SPTB: variants seen among roughly 807,000 people sequenced by gnomAD.
SPTB encodes the protein spectrin beta chain, erythrocytic.
Under a neutral mutation model 256.2 loss-of-function variants are expected in SPTB, and 45 were observed. That is an observed-to-expected ratio of 0.18 (90% CI 0.14 to 0.23). The LOEUF (loss-of-function observed/expected upper bound fraction) is 0.23. Ranked by LOEUF, SPTB falls within the 10% of genes least tolerant of loss-of-function variation. The pLI, the probability that SPTB is intolerant of heterozygous loss-of-function variation, is 1.00. For synonymous variants in SPTB, 1,231 were observed against 1,243.1 expected (o/e 0.99, Z 0.21); for missense variants, 2,715 against 3,040.4 (o/e 0.89, Z 2.52).
At chr14:64,774,578 T>TC (rs1290782402) in intron 23 of SPTB, 51 bp from the exon 24 acceptor site, 2 of 1,550,546 alleles carry the variant, frequency 1.3e-6, no homozygotes. Context: ...CCATGATCCC[T>TC]CCCTTGGCAA....
rs1169641132 is a variant in SPTB at position 64,775,949 on chromosome 14, C to T, written c.4564-546G>A. On this transcript the variant is annotated intron_variant, in intron 22 of 35. Transcript: ENST00000644917. This position sits in a 1 kb window ranked among gnomAD's most constrained non-coding sequence, Gnocchi z 5.0. Reference sequence around the variant, plus strand: ...TTACAGTCTCAGCTTTTGTTTTTCCCTACTTCTATTTCTCATATTTTTGTG... The same window carrying T: ...TTACAGTCTCAGCTTTTGTTTTTCCTTACTTCTATTTCTCATATTTTTGTG... Among the ~76,000 whole-genome samples the T allele has an allele frequency of 6.6e-6, 1 of 152,136 alleles. No individual in the cohort carries two copies. Among genetic ancestry groups the T allele is most frequent in the East Asian group, 1.9e-4 (1 of 5,194 alleles).
rs949441285 is a variant in SPTB at position 64,769,124 on chromosome 14, G to A, written c.5938-6C>T. ...TGCTGCAGTTTCTCGCGGATCTATGGGGAGGAAAGGGAGAAAAGCTCAGGC... is the reference window on the plus strand; with the variant it reads ...TGCTGCAGTTTCTCGCGGATCTATGAGGAGGAAAGGGAGAAAAGCTCAGGC... On this transcript the variant is annotated splice_polypyrimidine_tract_variant and splice_region_variant and intron_variant, in intron 28 of 35. Transcript: ENST00000644917. 6.2e-7 allele frequency: 1 copy of A among 1,613,050 alleles called. No homozygotes were observed. Among genetic ancestry groups the A allele is most frequent in the Non-Finnish European group, 8.5e-7 (1 of 1,179,644 alleles).
At position 64,802,718 on chromosome 14, in the gene SPTB, C is replaced by T. The variant is rs773282599; in HGVS notation, c.475-401G>A. On this transcript the variant is annotated intron_variant, in intron 4 of 35. Transcript: ENST00000644917. The surrounding 1 kb of genome is among the most constrained non-coding windows in gnomAD (Gnocchi z 5.1). ...AAATTTCTTGCCCTCAAGGAGTAGC[C>T]GCCAGCCCCGCAGCAACACCACATC... Among the ~76,000 whole-genome samples, 3 of 152,152 alleles carry T rather than the reference C, an allele frequency of 2.0e-5. No individual in the cohort carries two copies. The highest frequency in any genetic ancestry group is 4.8e-5 in the African/African-American group (2 of 41,430).
chr14:64,750,415 A>G (rs1356401224), intron 33 of SPTB, among the ~76,000 whole-genome samples: 3 of 151,966 alleles, frequency 2.0e-5, no homozygotes, highest in African/African-American at 7.3e-5. Context: ...GGTTATGGAT[A>G]TATTCAATTT....
In SPTB at chr14:64,770,892, T is replaced by A; in HGVS notation, c.5791A>T (p.Arg1931Trp). 1.9e-6 allele frequency: 3 copies of A among 1,613,988 alleles called. No individual in the cohort carries two copies. Among genetic ancestry groups the A allele is most frequent in the Non-Finnish European group, 2.5e-6 (3 of 1,180,000 alleles). The part of the protein sequence containing the change: ...SIIRQIETQE[R>W]PRDVSSVELL... ...CAAGGACACTCCCCTCACCTGGGCC[T>A]CTCCTGGGTCTCGATCTGCCGGATG... Residue 1931 changes from arginine to tryptophan, a missense_variant, in exon 27 of 36, where the codon AGG becomes TGG. Arg to Trp is a moderately radical substitution (Grantham distance 101). Coordinates refer to ENST00000644917, the MANE Select transcript of SPTB (RefSeq NM_001355436.2).
intron 26 of SPTB, 75 bp from the exon 27 acceptor site, chr14:64,771,204 C>T: frequency 6.2e-7 from 1 of 1,601,422 alleles, no homozygotes; most frequent in Non-Finnish European, 8.5e-7. Context: ...ACTGGAAGGG[C>T]AGCTACCTCC....
rs538209627 is a variant in SPTB, at chr14:64,785,446, G to C, written c.3855+91C>G. The C allele has an allele frequency of 8.4e-7, 1 of 1,193,252 alleles. No individual in the cohort carries two copies. Among genetic ancestry groups the C allele is most frequent in the Admixed American group, 2.0e-5 (1 of 50,598 alleles). The allele number at this position is 1,193,252 out of a possible 1,614,324, so 73.9% of individuals were successfully genotyped here. Reference sequence around the variant, plus strand: ...ATGGAATCCCACAGCTCTTGAGCTAGAAAGGATCCCTGTGGACTTCCTGCC... The same window carrying C: ...ATGGAATCCCACAGCTCTTGAGCTACAAAGGATCCCTGTGGACTTCCTGCC... On this transcript the variant is annotated intron_variant, in intron 18 of 35. Coordinates refer to ENST00000644917, the MANE Select transcript of SPTB (RefSeq NM_001355436.2). The surrounding 1 kb of genome is among the most constrained non-coding windows in gnomAD (Gnocchi z 4.4).
intron 33 of SPTB, chr14:64,752,195 G>A (rs540453485): frequency 9.7e-6 from 13 of 1,346,920 alleles, no homozygotes; most frequent in East Asian, 4.6e-5. Flanking sequence ...GGGCTAGCCC[G>A]AGCCGCTTCA....
rs1381334699 is a variant in SPTB at position 64,873,768 on chromosome 14, AGGCAACT to A, written c.-52+6017_-52+6023del. Among the ~76,000 whole-genome samples, 3 of 152,230 alleles carry A rather than the reference AGGCAACT, an allele frequency of 2.0e-5. No individual in the cohort carries two copies. The highest frequency in any genetic ancestry group is 7.2e-5 in the African/African-American group (3 of 41,464). ...TGGAAACAGCCCCAGCCTCAGAACT[AGGCAACT>A]GGGTCAAAGTCAGGTTTTGGAATAA... is the stretch of plus-strand genomic sequence containing the variant. On this transcript the variant is annotated intron_variant, in intron 1 of 35. Transcript: ENST00000644917. The surrounding 1 kb of genome is among the most constrained non-coding windows in gnomAD (Gnocchi z 4.3).
At chr14:64,791,490 C>G (rs985524054) in intron 15 of SPTB, among the ~76,000 whole-genome samples, 1 of 145,966 alleles carries the variant, frequency 6.9e-6, no homozygotes, top group East Asian at 2.0e-4. Flanking sequence ...AGCTTGAACC[C>G]AGGAGGTGGA....
In SPTB at chr14:64,844,222, G is replaced by A. The variant is rs890415385; in HGVS notation, c.-51-21077C>T. On this transcript the variant is annotated intron_variant, in intron 1 of 35. Coordinates refer to ENST00000644917, the MANE Select transcript of SPTB (RefSeq NM_001355436.2). This position sits in a 1 kb window ranked among gnomAD's most constrained non-coding sequence, Gnocchi z 4.1. ...AAAAAAATGAGAGCTAGAAAGCCCA[G>A]CCTGTCTTTATTATTATAGTTACCC... is the stretch of plus-strand genomic sequence containing the variant. Among the ~76,000 whole-genome samples the A allele has an allele frequency of 6.6e-6, 1 of 152,142 alleles. No homozygotes were observed. Among genetic ancestry groups the A allele is most frequent in the Non-Finnish European group, 1.5e-5 (1 of 68,026 alleles).
At chr14:64,811,038 C>T (rs2083078872) in intron 2 of SPTB, among the ~76,000 whole-genome samples, 1 of 151,820 alleles carries the variant, frequency 6.6e-6, no homozygotes, top group Non-Finnish European at 1.5e-5. Flanking sequence ...ATCACTTGAG[C>T]TCAGTTTGAG....
rs1253675447 is a variant in SPTB at position 64,841,289 on chromosome 14, C to G, written c.-51-18144G>C. Among the ~76,000 whole-genome samples, 2 of 152,186 alleles carry G rather than the reference C, an allele frequency of 1.3e-5. No homozygotes were observed. Among genetic ancestry groups the G allele is most frequent in the African/African-American group, 4.8e-5 (2 of 41,442 alleles). On this transcript the variant is annotated intron_variant, in intron 1 of 35. Coordinates refer to ENST00000644917, the MANE Select transcript of SPTB (RefSeq NM_001355436.2). The surrounding 1 kb of genome is among the most constrained non-coding windows in gnomAD (Gnocchi z 4.6). ...CAAACGCAGGCAGTCTGAGTCAGAG[C>G]CCCTGCCCTTACCTCCTGTGATCAC...
In SPTB at chr14:64,822,943, G is replaced by A; in HGVS notation, c.148+4C>T. 1 of 1,613,198 alleles carries A rather than the reference G, an allele frequency of 6.2e-7. No individual in the cohort carries two copies. Among genetic ancestry groups the A allele is most frequent in the Non-Finnish European group, 8.5e-7 (1 of 1,180,032 alleles). On this transcript the variant is annotated splice_donor_region_variant and intron_variant, in intron 2 of 35. Transcript: ENST00000644917. ...CCTCCAACCCTTGTGGCCCCAAACA[G>A]TACCTGCCAAGGCCTTTATCCGGGA...
chr14:64,775,127 T>G lies in SPTB; in HGVS notation c.4840A>C (p.Lys1614Gln). ...TGGTATCCCCTGCCCGAACAGACCTTGGGGATCTCATCGGAGATGACGTAG... is the reference window on the plus strand; with the variant it reads ...TGGTATCCCCTGCCCGAACAGACCTGGGGGATCTCATCGGAGATGACGTAG... ...ELYVISDEIP[K>Q]DEEGAIVMLK... Residue 1614 changes from lysine to glutamine, a missense_variant and splice_region_variant, in exon 23 of 36, where the codon AAG (lysine) becomes CAG (glutamine). Coordinates refer to ENST00000644917, the MANE Select transcript of SPTB (RefSeq NM_001355436.2). The surrounding 1 kb of genome is among the most constrained non-coding windows in gnomAD (Gnocchi z 5.0). The G allele has an allele frequency of 3.7e-6, 6 of 1,613,878 alleles. No individual in the cohort carries two copies. The highest frequency in any genetic ancestry group is 5.1e-6 in the Non-Finnish European group (6 of 1,180,020).
chr14:64,828,981 A>T (rs543232331), intron 1 of SPTB, among the ~76,000 whole-genome samples: 44 of 152,328 alleles, frequency 2.9e-4, no homozygotes, highest in African/African-American at 1.1e-3. Flanking sequence ...TTAAAAACCC[A>T]TCAGATAATG....
rs556906751 is a variant in SPTB at position 64,853,054 on chromosome 14, TATGGGACAAATAAGAGACAGGCA to T, written c.-52+26715_-52+26737del. Among the ~76,000 whole-genome samples, 304 of 152,222 alleles carry T rather than the reference TATGGGACAAATAAGAGACAGGCA, an allele frequency of 2.0e-3. 2 individuals are homozygous for T. The highest frequency in any genetic ancestry group is 7.0e-3 in the African/African-American group (292 of 41,522). ...AGGAAGTAGCCTTTAAATGGATACC[TATGGGACAAATAAGAGACAGGCA>T]ATGGGACAAATAAGAGACAGGCAAA... On this transcript the variant is annotated intron_variant, in intron 1 of 35. Transcript: ENST00000644917. This position sits in a 1 kb window ranked among gnomAD's most constrained non-coding sequence, Gnocchi z 4.3.
At chr14:64,871,624 G>C (rs1277253133) in intron 1 of SPTB, among the ~76,000 whole-genome samples, 1 of 152,212 alleles carries the variant, frequency 6.6e-6, no homozygotes, top group African/African-American at 2.4e-5. Context: ...ACGTGGTGCT[G>C]CTAGCTTAAA....
rs1390983563 is a variant in SPTB at position 64,793,594 on chromosome 14, T to G, written c.2069A>C (p.Asp690Ala). The G allele has an allele frequency of 6.2e-7, 1 of 1,614,158 alleles. No individual in the cohort carries two copies. Among genetic ancestry groups the G allele is most frequent in the Admixed American group, 1.7e-5 (1 of 60,018 alleles). Residue 690 changes from aspartate (D) to alanine (A), a missense_variant, in exon 14 of 36, where the codon GAT (aspartate) becomes GCT (alanine). By Grantham distance (126) the Asp-to-Ala change is moderately radical. Around this residue, in one of 4 missense-constraint regions of SPTB, gnomAD observed 2,239 missense variants for 2,384.4 expected, o/e 0.94. Transcript: ENST00000644917. The surrounding 1 kb of genome is among the most constrained non-coding windows in gnomAD (Gnocchi z 7.0). ...CTGGAAGATCTGCTCCAGGTGAGCA[T>G]CCAGCCCACGGAGCTCATCCTCAAA... Reference protein sequence around the residue: ...KAFEDELRGLDAHLEQIFQEA... With the variant: ...KAFEDELRGLAAHLEQIFQEA...
Sources: allele counts gnomAD v4.1 joint callset (sites outside exome capture counted in the v4.1 genomes callset), GRCh38; gene constraint gnomAD v4.1.1; regional missense constraint gnomAD v4.1.1; non-coding constraint Gnocchi (gnomAD v3.1); transcripts MANE v1.5; gene names NCBI Gene and HGNC (gene_info 2026-07-23, HGNC 2026-07-21).